GLIS3: variants seen among roughly 807,000 people sequenced by gnomAD.
GLIS3 encodes GLIS family zinc finger 3, also known as zinc finger protein GLIS3.
Under a neutral mutation model 78.6 loss-of-function variants are expected in GLIS3, and 53 were observed. That is an observed-to-expected ratio of 0.67 (90% CI 0.54 to 0.85). GLIS3 has a LOEUF of 0.85. Ranked by LOEUF, GLIS3 falls within the 40% of genes least tolerant of loss-of-function variation. The pLI, the probability that GLIS3 is intolerant of heterozygous loss-of-function variation, is 0.00. For synonymous variants in GLIS3, 684 were observed against 509.9 expected (o/e 1.34, Z -4.60); for missense variants, 1,703 against 1,231.1 (o/e 1.38, Z -5.74).
At chr9:4,311,258 A>G (rs931919539) in intron 2 of GLIS3, among the ~76,000 whole-genome samples, 8 of 151,978 alleles carry the variant, frequency 5.3e-5, no homozygotes, top group African/African-American at 1.9e-4. Context: ...AAAATACAAA[A>G]ATTATCCGGG....
intron 4 of GLIS3, among the ~76,000 whole-genome samples, chr9:4,018,679 A>T (rs1456275169): frequency 6.6e-6 from 1 of 152,154 alleles, no homozygotes; most frequent in Non-Finnish European, 1.5e-5. Flanking sequence ...CTGAGATATG[A>T]TAGTCCCTTA....
chr9:4,219,504 C>G (rs1284379487), intron 2 of GLIS3, among the ~76,000 whole-genome samples: 2 of 152,210 alleles, frequency 1.3e-5, no homozygotes, highest in Non-Finnish European at 2.9e-5. Context: ...AAGAAGCACT[C>G]TAAACCACTG....
At chr9:4,460,340 T>C in the GLIS3 span, among the ~76,000 whole-genome samples, 1 of 152,236 alleles carries the variant, frequency 6.6e-6, no homozygotes, top group East Asian at 1.9e-4. Context: ...ACAGAACTGA[T>C]GTCAAAATCA....
At chr9:4,400,772 C>A in the GLIS3 span, among the ~76,000 whole-genome samples, 1 of 152,166 alleles carries the variant, frequency 6.6e-6, no homozygotes, top group Non-Finnish European at 1.5e-5. Context: ...GGACCCTGCT[C>A]CAGGCCCTAG....
chr9:4,048,362 C>T (rs1165109208), intron 4 of GLIS3, among the ~76,000 whole-genome samples: 1 of 152,126 alleles, frequency 6.6e-6, no homozygotes, highest in Non-Finnish European at 1.5e-5. Flanking sequence ...AGGGATCCTG[C>T]TGGAAACTTA....
intron 2 of GLIS3, among the ~76,000 whole-genome samples, chr9:4,189,454 A>C (rs1272885095): frequency 6.6e-6 from 1 of 152,176 alleles, no homozygotes; most frequent in African/African-American, 2.4e-5. Context: ...GTGGTGCTGA[A>C]AAAAATGTAT....
At position 4,090,751 on chromosome 9, in the gene GLIS3, T is replaced by C. The variant is rs118120569; in HGVS notation, c.1710+27017A>G. On this transcript the variant is annotated intron_variant, in intron 4 of 10. Transcript: ENST00000381971. ...AAGGCCCAGGGAAGAAGAGATAAGC[T>C]TAAGCACGTGAAGTGGTAAACATAG... Among the ~76,000 whole-genome samples the C allele has an allele frequency of 4.1e-3, 623 of 152,316 alleles. 1 individual carries two copies. The highest frequency in any genetic ancestry group is 7.0e-3 in the Non-Finnish European group (473 of 68,026).
intron 9 of GLIS3, among the ~76,000 whole-genome samples, chr9:3,849,938 G>A (rs1366398068): frequency 6.6e-6 from 1 of 152,006 alleles, no homozygotes; most frequent in African/African-American, 2.4e-5. Flanking sequence ...TGTCATGAGA[G>A]AAGAGTAAAC....
chr9:4,321,396 T>G (rs1817524988), intron 2 of GLIS3, among the ~76,000 whole-genome samples: 1 of 92,656 alleles, frequency 1.1e-5, no homozygotes, highest in Non-Finnish European at 1.7e-5. Flanking sequence ...CACTCCAGCC[T>G]GGGCCACAGA....
At chr9:4,016,486 C>CATA (rs1822448345) in intron 4 of GLIS3, among the ~76,000 whole-genome samples, 1 of 152,138 alleles carries the variant, frequency 6.6e-6, no homozygotes, top group Admixed American at 6.5e-5. Flanking sequence ...ATGAGCTCGA[C>CATA]ATAATACATC....
chr9:4,094,339 A>C (rs918956484), intron 4 of GLIS3, among the ~76,000 whole-genome samples: 7 of 152,248 alleles, frequency 4.6e-5, no homozygotes, highest in African/African-American at 1.7e-4. Context: ...TGAGAGTGCA[A>C]ATCAGTACAA....
chr9:3,989,769 T>C (rs1820071199), intron 4 of GLIS3, among the ~76,000 whole-genome samples: 1 of 152,080 alleles, frequency 6.6e-6, no homozygotes, highest in East Asian at 1.9e-4. Context: ...TAAAGGGAAA[T>C]AGGATAGATA....
rs117505257 is a variant in GLIS3 at position 4,339,224 on chromosome 9, C to T, written n.264+7857G>A. ...GTCACATGAAGCCAGTCCTCAATGA[C>T]TGGATTTGTCTTCTTCACTGAAGTG... is the stretch of plus-strand genomic sequence containing the variant. On this transcript the variant is annotated intron_variant and non_coding_transcript_variant, in intron 2 of 4. Coordinates refer to the GLIS3 transcript ENST00000471664. 4.9e-4 allele frequency among the ~76,000 whole-genome samples: 75 copies of T among 152,272 alleles called. No homozygotes were observed. In the East Asian group the frequency reaches 0.014, roughly 29 times the overall value.
intron 4 of GLIS3, among the ~76,000 whole-genome samples, chr9:3,999,590 C>A (rs115944712): frequency 2.0e-5 from 3 of 151,730 alleles, no homozygotes; most frequent in East Asian, 1.9e-4. Context: ...TATAAATGTT[C>A]ATTGAAAGAC....
intron 2 of GLIS3, among the ~76,000 whole-genome samples, chr9:4,166,976 C>T (rs2131110058): frequency 1.3e-5 from 2 of 152,112 alleles, no homozygotes; most frequent in Middle Eastern, 6.8e-3. Flanking sequence ...CGAACAACTC[C>T]AAAAATCTCT....
At chr9:4,263,186 T>A (rs1016619896) in intron 2 of GLIS3, among the ~76,000 whole-genome samples, 9 of 152,164 alleles carry the variant, frequency 5.9e-5, no homozygotes, top group African/African-American at 2.2e-4. Context: ...ATTCACAGCA[T>A]CCTTTGGGTA....
chr9:4,168,210 C>A (rs183268288), intron 2 of GLIS3, among the ~76,000 whole-genome samples: 88 of 152,212 alleles, frequency 5.8e-4, no homozygotes, highest in Admixed American at 2.0e-3. Context: ...CACACACACA[C>A]ATACATACAC....
At chr9:4,214,707 G>A (rs1165231798) in intron 2 of GLIS3, among the ~76,000 whole-genome samples, 1 of 152,140 alleles carries the variant, frequency 6.6e-6, no homozygotes, top group South Asian at 2.1e-4. Context: ...CTAAGACCAA[G>A]GTTATTTCAC....
chr9:4,246,779 G>A (rs1335385512), intron 2 of GLIS3, among the ~76,000 whole-genome samples: 2 of 152,068 alleles, frequency 1.3e-5, no homozygotes, highest in East Asian at 1.9e-4. Flanking sequence ...GTTCTTAAAC[G>A]GGTTTTTCAA....
Sources: gnomAD v4.1 joint callset for allele counts (sites outside exome capture counted in the v4.1 genomes callset) on GRCh38, gnomAD v4.1.1 for gene constraint, MANE v1.5 for transcripts, NCBI Gene and HGNC (gene_info 2026-07-23, HGNC 2026-07-21) for gene names.